HS6ST3: variants seen among roughly 807,000 people sequenced by gnomAD.
The protein encoded by HS6ST3 is heparan-sulfate 6-O-sulfotransferase 3.
A neutral mutation model predicts 36.7 loss-of-function variants in HS6ST3; 12 were observed. The ratio of observed to expected loss-of-function variants is 0.33; its 90% confidence interval spans 0.21 to 0.53. The LOEUF is 0.53. Among genes scored for constraint, HS6ST3 ranks in the 20% least tolerant of loss-of-function variants. The pLI is 0.95. For missense variants in HS6ST3, 584 were observed against 640.9 expected, an observed-to-expected ratio of 0.91 and a Z score of 0.96; for synonymous variants, 240 against 257.5, an observed-to-expected ratio of 0.93 and a Z score of 0.65.
chr13:96,651,130 T>A (rs1168883373), intron 1 of HS6ST3, among the ~76,000 whole-genome samples: 4 of 152,124 alleles, frequency 2.6e-5, no homozygotes, highest in African/African-American at 9.6e-5. Flanking sequence ...TTGAAAATTC[T>A]TTCCTTCTAA....
At chr13:96,583,026 C>T (rs2056347312) in intron 1 of HS6ST3, among the ~76,000 whole-genome samples, 1 of 151,842 alleles carries the variant, frequency 6.6e-6, no homozygotes, top group Non-Finnish European at 1.5e-5. Context: ...TGAACGCTTC[C>T]AGGTCATCAT....
intron 1 of HS6ST3, among the ~76,000 whole-genome samples, chr13:96,594,623 T>G (rs1182390396): frequency 6.6e-5 from 10 of 152,188 alleles, no homozygotes; most frequent in Non-Finnish European, 1.3e-4. Flanking sequence ...CACCACTCCC[T>G]TTTCCCACAT....
At chr13:96,353,989 A>G (rs1434702310) in intron 1 of HS6ST3, among the ~76,000 whole-genome samples, 1 of 152,166 alleles carries the variant, frequency 6.6e-6, no homozygotes, top group African/African-American at 2.4e-5. Flanking sequence ...TCAAAATGAA[A>G]TATTCCTTGA....
At position 96,463,035 on chromosome 13, in the gene HS6ST3, C is replaced by T. The variant is rs148245653; in HGVS notation, c.708-369455C>T. On this transcript the variant is annotated intron_variant, in intron 1 of 1. Transcript: ENST00000376705. Reference sequence around the variant, plus strand: ...AATGGATGGAGAGCTATATCATGTTCCTAGCTAGGAAGACATTAACTTTTC... The same window carrying T: ...AATGGATGGAGAGCTATATCATGTTTCTAGCTAGGAAGACATTAACTTTTC... Among the ~76,000 whole-genome samples the T allele has an allele frequency of 3.0e-3, 457 of 152,158 alleles. 2 individuals carry two copies. Among genetic ancestry groups the T allele is most frequent in the African/African-American group, 0.01 (424 of 41,522 alleles).
At chr13:96,492,627 A>G (rs2055952297) in intron 1 of HS6ST3, among the ~76,000 whole-genome samples, 2 of 152,200 alleles carry the variant, frequency 1.3e-5, no homozygotes, top group African/African-American at 4.8e-5. Flanking sequence ...TTTTTGAAGA[A>G]TGGCCTGTAC....
intron 1 of HS6ST3, among the ~76,000 whole-genome samples, chr13:96,358,006 C>T (rs373991338): frequency 3.3e-5 from 5 of 151,864 alleles, no homozygotes; most frequent in Admixed American, 2.6e-4. Flanking sequence ...AAAAATGATG[C>T]GAATAGATTT....
At chr13:96,540,840 G>A (rs1382228882) in intron 1 of HS6ST3, among the ~76,000 whole-genome samples, 4 of 152,226 alleles carry the variant, frequency 2.6e-5, no homozygotes, top group Non-Finnish European at 5.9e-5. Flanking sequence ...GTCTTCCACA[G>A]GGAGCTGACA....
chr13:96,107,339 A>G (rs952234525), intron 1 of HS6ST3, among the ~76,000 whole-genome samples: 2 of 152,212 alleles, frequency 1.3e-5, no homozygotes, highest in Non-Finnish European at 1.5e-5. Context: ...GCTGCCTAAG[A>G]TGGGGCAATG....
intron 1 of HS6ST3, among the ~76,000 whole-genome samples, chr13:96,360,858 A>C (rs2055234690): frequency 6.6e-6 from 1 of 151,570 alleles, no homozygotes; most frequent in South Asian, 2.1e-4. Flanking sequence ...AGGCAGGAGA[A>C]TACATTGAAC....
rs554458088 is a variant in HS6ST3, at chr13:96,540,206, C to A, written c.708-292284C>A. ...TCTACACCCTACTACCCACCTAACT[C>A]TTTGGCAAGTTCAGCCTGATTGCAT... On this transcript the variant is annotated intron_variant, in intron 1 of 1. Coordinates refer to ENST00000376705, the MANE Select transcript of HS6ST3 (RefSeq NM_153456.4). 2.8e-4 allele frequency among the ~76,000 whole-genome samples: 43 copies of A among 152,366 alleles called. 1 individual carries two copies. The South Asian group carries it at 8.1e-3, about 29-fold the overall frequency.
intron 1 of HS6ST3, among the ~76,000 whole-genome samples, chr13:96,737,366 CTG>C (rs1169465374): frequency 6.6e-6 from 1 of 151,888 alleles, no homozygotes; most frequent in Non-Finnish European, 1.5e-5. Context: ...TGGTTCACGC[CTG>C]TAATCCCAGC....
chr13:96,701,438 T>C (rs1875282167), intron 1 of HS6ST3, among the ~76,000 whole-genome samples: 1 of 152,200 alleles, frequency 6.6e-6, no homozygotes, highest in Non-Finnish European at 1.5e-5. Context: ...TTTAAATAAC[T>C]ATTGGGAGTG....
At position 96,118,900 on chromosome 13, in the gene HS6ST3, C is replaced by T. The variant is rs1266537920; in HGVS notation, c.707+27331C>T. Reference sequence around the variant, plus strand: ...TAATTTTTTGTATTTTTAGTAGAGACGGGGTTTCACCTTGTTAGCCAGGAT... The same window carrying T: ...TAATTTTTTGTATTTTTAGTAGAGATGGGGTTTCACCTTGTTAGCCAGGAT... On this transcript the variant is annotated intron_variant, in intron 1 of 1. Coordinates refer to ENST00000376705, the MANE Select transcript of HS6ST3 (RefSeq NM_153456.4). Among the ~76,000 whole-genome samples, 3 of 148,086 alleles carry T rather than the reference C, an allele frequency of 2.0e-5. 1 individual carries two copies. Among genetic ancestry groups the T allele is most frequent in the East Asian group, 2.0e-4 (1 of 5,060 alleles).
intron 1 of HS6ST3, among the ~76,000 whole-genome samples, chr13:96,404,296 C>T (rs539584597): frequency 6.6e-5 from 10 of 152,176 alleles, no homozygotes; most frequent in African/African-American, 1.9e-4. Context: ...CTTATATGCC[C>T]GTAGGACACA....
At chr13:96,632,289 A>G (rs2056534484) in intron 1 of HS6ST3, among the ~76,000 whole-genome samples, 1 of 149,436 alleles carries the variant, frequency 6.7e-6, no homozygotes, top group Non-Finnish European at 1.5e-5. Context: ...CACCTCCAGA[A>G]CTGTCAGAAA....
intron 1 of HS6ST3, among the ~76,000 whole-genome samples, chr13:96,251,551 A>G (rs146217797): frequency 6.6e-6 from 1 of 152,024 alleles, no homozygotes; most frequent in African/African-American, 2.4e-5. Flanking sequence ...TTTATTTTTT[A>G]AAGTCTCTAT....
intron 1 of HS6ST3, among the ~76,000 whole-genome samples, chr13:96,628,449 A>G (rs930052969): frequency 6.6e-5 from 10 of 151,990 alleles, no homozygotes; most frequent in Admixed American, 2.0e-4. Context: ...TAAATAGTTC[A>G]TAAATTCTTA....
chr13:96,673,259 A>G (rs2138432516), intron 1 of HS6ST3, among the ~76,000 whole-genome samples: 1 of 152,258 alleles, frequency 6.6e-6, no homozygotes, highest in Non-Finnish European at 1.5e-5. Flanking sequence ...CTGATAATCC[A>G]GGATAATCTC....
At chr13:96,184,536 C>T (rs1283980553) in intron 1 of HS6ST3, among the ~76,000 whole-genome samples, 1 of 152,116 alleles carries the variant, frequency 6.6e-6, no homozygotes, top group Non-Finnish European at 1.5e-5. Context: ...GGCCCTAGGC[C>T]ATGCGCTTTC....
Sources: allele counts gnomAD v4.1 joint callset (sites outside exome capture counted in the v4.1 genomes callset), GRCh38; gene constraint gnomAD v4.1.1; transcripts MANE v1.5; gene names NCBI Gene and HGNC (gene_info 2026-07-23, HGNC 2026-07-21).